Variants in RB1CC1 observed in about 807,000 individuals in gnomAD.
The protein encoded by RB1CC1 is RB1-inducible coiled-coil protein 1.
Under a neutral mutation model 177.5 loss-of-function variants are expected in RB1CC1, and 46 were observed. The ratio of observed to expected loss-of-function variants is 0.26; its 90% CI spans 0.20 to 0.33. The LOEUF (loss-of-function observed/expected upper bound fraction) is 0.33. RB1CC1 is among the 10% of genes least tolerant of loss of function. The probability of loss-of-function intolerance (pLI) is 1.00; values close to 1 mark genes in which losing one functional copy is unlikely to be tolerated. For synonymous variants in RB1CC1, 666 were observed against 613.6 expected (o/e 1.09, Z -1.26); for missense variants, 1,703 against 1,816.3 (o/e 0.94, Z 1.13).
chr8:52,633,309 A>G (rs950789053), intron 20 of RB1CC1, among the ~76,000 whole-genome samples: 13 of 152,330 alleles, frequency 8.5e-5, no homozygotes, highest in African/African-American at 3.1e-4. Flanking sequence ...TATGCCAAGC[A>G]TCTATAGTAT....
At chr8:52,683,823 A>T in intron 4 of RB1CC1, 64 bp downstream of exon 4, 1 of 1,590,208 alleles carries the variant, frequency 6.3e-7, no homozygotes, top group Non-Finnish European at 8.6e-7. Flanking sequence ...ACTTTTGAAC[A>T]CTGAGTTCCC....
intron 1 of RB1CC1, among the ~76,000 whole-genome samples, chr8:52,692,437 A>C (rs1854962244): frequency 6.6e-6 from 1 of 152,200 alleles, no homozygotes; most frequent in Non-Finnish European, 1.5e-5. Context: ...GCATAGCAAT[A>C]GCTTCCATTG....
chr8:52,689,618 T>C (rs1854627818), intron 1 of RB1CC1, among the ~76,000 whole-genome samples: 1 of 152,166 alleles, frequency 6.6e-6, no homozygotes, highest in Non-Finnish European at 1.5e-5. Context: ...AAATATAATA[T>C]GCTCTTCCTT....
chr8:52,624,126 A>G (rs548924802), intron 23 of RB1CC1, among the ~76,000 whole-genome samples: 130 of 152,028 alleles, frequency 8.6e-4, no homozygotes, highest in African/African-American at 3.1e-3. Context: ...AGCCACTGCT[A>G]AAGAATATAA....
At chr8:52,655,908 A>C (rs751901337) in intron 15 of RB1CC1, 100 bp downstream of exon 15, 41 of 968,208 alleles carry the variant, frequency 4.2e-5, no homozygotes, top group Non-Finnish European at 5.4e-5. Flanking sequence ...TAGTTGCTAC[A>C]TTTACCCAAG....
At chr8:52,699,850 T>C (rs1211055245) in intron 1 of RB1CC1, among the ~76,000 whole-genome samples, 3 of 103,156 alleles carry the variant, frequency 2.9e-5, no homozygotes, top group Non-Finnish European at 4.0e-5. Flanking sequence ...TATATATATA[T>C]ATATATATAC....
Position 52,688,147 on chromosome 8 carries a change from T to C in RB1CC1, c.-166-1180A>G, listed in dbSNP as rs183739402. On this transcript the variant is annotated intron_variant, in intron 1 of 23. Transcript: ENST00000025008. Reference sequence around the variant, plus strand: ...ACAAATTGATTGTAAAACATGTGTGTTTGAACAATATGCAATCAGTGCACC... The same window carrying C: ...ACAAATTGATTGTAAAACATGTGTGCTTGAACAATATGCAATCAGTGCACC... Among the ~76,000 whole-genome samples the C allele has an allele frequency of 3.3e-3, 507 of 152,320 alleles. 9 individuals carry two copies. Among genetic ancestry groups the C allele is most frequent in the Non-Finnish European group, 2.6e-3 (176 of 68,034 alleles).
chr8:52,700,354 TATCTACAAA>T (rs1855936380), intron 1 of RB1CC1, among the ~76,000 whole-genome samples: 1 of 143,434 alleles, frequency 7.0e-6, no homozygotes, highest in African/African-American at 2.6e-5. Context: ...TGAGACTCCA[TATCTACAAA>T]TATACAAAAA....
chr8:52,667,091 C>G (rs1335064486), intron 8 of RB1CC1, among the ~76,000 whole-genome samples: 3 of 151,950 alleles, frequency 2.0e-5, no homozygotes, highest in Non-Finnish European at 4.4e-5. Context: ...TTGCTAAAAA[C>G]CAAACAGAAG....
At chr8:52,632,191 G>A (rs1429412749) in intron 20 of RB1CC1, among the ~76,000 whole-genome samples, 1 of 152,114 alleles carries the variant, frequency 6.6e-6, no homozygotes, top group African/African-American at 2.4e-5. Context: ...CCTGAAGCAT[G>A]GAAACCAAGG....
intron 8 of RB1CC1, 27 bp downstream of exon 8, chr8:52,667,994 T>C: frequency 6.3e-7 from 1 of 1,584,236 alleles, no homozygotes; most frequent in East Asian, 2.2e-5. Context: ...TAAATTCCTT[T>C]TCCTGAGAAA....
chr8:52,631,225 T>C (rs1290946206), intron 20 of RB1CC1, among the ~76,000 whole-genome samples: 2 of 152,184 alleles, frequency 1.3e-5, no homozygotes, highest in African/African-American at 4.8e-5. Flanking sequence ...GGAACTTAGT[T>C]GTCCCAACGA....
intron 15 of RB1CC1, among the ~76,000 whole-genome samples, chr8:52,647,066 T>G (rs1337905615): frequency 6.6e-6 from 1 of 152,230 alleles, no homozygotes; most frequent in Non-Finnish European, 1.5e-5. Context: ...AAATGTTCAC[T>G]CTACATGTTT....
chr8:52,686,210 C>T (rs1431190417), intron 2 of RB1CC1: 1 of 152,194 alleles, frequency 6.6e-6, no homozygotes, highest in African/African-American at 2.4e-5. Context: ...CAAGGAAAAA[C>T]CTCATCTAGA....
At chr8:52,662,895 T>C (rs1851751278) in intron 8 of RB1CC1, among the ~76,000 whole-genome samples, 1 of 152,132 alleles carries the variant, frequency 6.6e-6, no homozygotes, top group Non-Finnish European at 1.5e-5. Flanking sequence ...TCGCAAAGTC[T>C]GGTTTTCAAT....
At position 52,642,674 on chromosome 8, in the gene RB1CC1, T is replaced by C. The variant is rs368535356; in HGVS notation, c.4096+30A>G. 122 of 1,570,474 alleles carry C rather than the reference T, an allele frequency of 7.8e-5. 1 individual carries two copies. The South Asian group carries it at 1.3e-3, about 17-fold the overall frequency. On this transcript the variant is annotated intron_variant, in intron 17 of 23. Coordinates refer to ENST00000025008, the MANE Select transcript of RB1CC1 (RefSeq NM_014781.5). ...AATGTATCTTTTCCACTTTAAAAAA[T>C]TAAAAAAAATAGTACAAAACAGTAC...
rs753074699 is a variant in RB1CC1, at chr8:52,657,591, C to A, written c.2238G>T (p.Ser746=). ...GTGGATCACTTATAGGATTAGGAGA[C>A]GACAAATTTTCTTCTATTACAAACT... is the stretch of plus-strand genomic sequence containing the variant. ...VNEFVIEENL[S]SPNPISDPQS... Residue 746 remains serine (S), a synonymous_variant, in exon 15 of 24, where the codon TCG becomes TCT. Transcript: ENST00000025008. 1 of 1,614,018 alleles carries A rather than the reference C, an allele frequency of 6.2e-7. No homozygotes were observed. Among genetic ancestry groups the A allele is most frequent in the East Asian group, 2.2e-5 (1 of 44,842 alleles).
intron 1 of RB1CC1, among the ~76,000 whole-genome samples, chr8:52,690,523 T>C (rs113042467): frequency 1.8e-4 from 27 of 152,314 alleles, no homozygotes; most frequent in East Asian, 7.7e-4. Flanking sequence ...TTTAGATTTA[T>C]GTGATCAAAG....
intron 12 of RB1CC1, among the ~76,000 whole-genome samples, chr8:52,659,395 A>C (rs1290645354): frequency 4.6e-5 from 7 of 152,010 alleles, no homozygotes; most frequent in Non-Finnish European, 1.0e-4. Flanking sequence ...ACACTTTCTT[A>C]TTTGCTTTTG....
Sources: gnomAD v4.1 joint callset for allele counts (sites outside exome capture counted in the v4.1 genomes callset) on GRCh38, gnomAD v4.1.1 for gene constraint, MANE v1.5 for transcripts, NCBI Gene and HGNC (gene_info 2026-07-23, HGNC 2026-07-21) for gene names.